Variants in CACNA1C observed in about 807,000 individuals in gnomAD.
CACNA1C encodes the protein voltage-dependent L-type calcium channel subunit alpha-1C.
CACNA1C carries 30 observed loss-of-function variants against 229.0 expected under a neutral mutation model. The observed-to-expected ratio is 0.13, with a 90% confidence interval of 0.10 to 0.18. The LOEUF (loss-of-function observed/expected upper bound fraction) is 0.18, where lower values mean the gene tolerates loss of function less well. Among genes scored for constraint, CACNA1C ranks in the 10% least tolerant of loss-of-function variants. The pLI is 1.00. For missense variants in CACNA1C, 1,658 were observed against 2,845.0 expected, an observed-to-expected ratio of 0.58 and a Z score of 9.49; for synonymous variants, 1,114 against 1,132.5, an observed-to-expected ratio of 0.98 and a Z score of 0.33.
intron 3 of CACNA1C, among the ~76,000 whole-genome samples, chr12:2,227,029 G>T (rs1216005541): frequency 6.6e-6 from 1 of 152,174 alleles, no homozygotes; most frequent in Non-Finnish European, 1.5e-5. Flanking sequence ...TGGCCTGTGT[G>T]GGGAGGCAGT....
At chr12:2,513,106 C>A in intron 9 of CACNA1C, 122 bp downstream of exon 9, 1 of 645,394 alleles carries the variant, frequency 1.5e-6, no homozygotes, top group Non-Finnish European at 2.6e-6. Context: ...CTTCCTGGAG[C>A]AGCAGTTATC....
At chr12:2,564,055 G>A (rs557112989) in intron 11 of CACNA1C, among the ~76,000 whole-genome samples, 1 of 152,216 alleles carries the variant, frequency 6.6e-6, no homozygotes, top group African/African-American at 2.4e-5. Context: ...GCCATGGACT[G>A]TGATTTAGAA....
At chr12:2,546,932 A>G (rs887560961) in intron 9 of CACNA1C, among the ~76,000 whole-genome samples, 1 of 152,222 alleles carries the variant, frequency 6.6e-6, no homozygotes, top group Admixed American at 6.5e-5. Flanking sequence ...ATCCAGGTGC[A>G]AATAGCAAGG....
chr12:2,566,388 C>T lies in CACNA1C; in HGVS notation c.1509-34C>T. 2 of 1,541,882 alleles carry T rather than the reference C, an allele frequency of 1.3e-6. No individual in the cohort carries two copies. The highest frequency in any genetic ancestry group is 1.8e-6 in the Non-Finnish European group (2 of 1,140,922). The stretch of plus-strand genomic sequence containing the variant: ...GTTGGAGGAAACCTGAATTCACAGC[C>T]AACCCCACCCTTCTCTCCCTGTCCC... On this transcript the variant is annotated intron_variant, in intron 11 of 46. Transcript: ENST00000399655. The surrounding 1 kb of genome is among the most constrained non-coding windows in gnomAD (Gnocchi z 4.0).
intron 1 of CACNA1C, among the ~76,000 whole-genome samples, chr12:2,105,175 A>C (rs901096281): frequency 6.6e-6 from 1 of 152,214 alleles, no homozygotes; most frequent in Non-Finnish European, 1.5e-5. Context: ...GCAGGTGTGA[A>C]TGCTGTAGCT....
chr12:2,274,848 G>A (rs1460101699), intron 3 of CACNA1C, among the ~76,000 whole-genome samples: 1 of 152,146 alleles, frequency 6.6e-6, no homozygotes, highest in Non-Finnish European at 1.5e-5. Flanking sequence ...TTCCAGGCTG[G>A]CTGGTGTGGG....
At chr12:2,099,999 A>G (rs1009367271) in intron 1 of CACNA1C, among the ~76,000 whole-genome samples, 1 of 152,234 alleles carries the variant, frequency 6.6e-6, no homozygotes, top group African/African-American at 2.4e-5. Flanking sequence ...CTAGCAACTG[A>G]CAGAGGCTCG....
chr12:2,040,347 G>C (rs549652186), intron 1 of CACNA1C, among the ~76,000 whole-genome samples: 1 of 152,200 alleles, frequency 6.6e-6, no homozygotes, highest in African/African-American at 2.4e-5. Flanking sequence ...ATGCATAGAA[G>C]TGACAGCAAA....
At chr12:2,610,327 C>T (rs983801059) in intron 27 of CACNA1C, among the ~76,000 whole-genome samples, 2 of 152,168 alleles carry the variant, frequency 1.3e-5, no homozygotes, top group Non-Finnish European at 2.9e-5. Context: ...AAGGGGCTCT[C>T]TCCTTGATTA....
At chr12:2,358,623 C>T (rs1385052085) in intron 3 of CACNA1C, among the ~76,000 whole-genome samples, 1 of 152,142 alleles carries the variant, frequency 6.6e-6, no homozygotes, top group Non-Finnish European at 1.5e-5. Context: ...AGGAGAAGTG[C>T]TAAATGACGA....
chr12:2,035,039 G>A (rs1483112643), intron 1 of CACNA1C, among the ~76,000 whole-genome samples: 1 of 152,202 alleles, frequency 6.6e-6, no homozygotes, highest in African/African-American at 2.4e-5. Flanking sequence ...AGCCGCAACC[G>A]CGACAGCCCC....
At position 2,445,286 on chromosome 12, in the gene CACNA1C, A is replaced by G. The variant is rs753741209; in HGVS notation, c.478-3690A>G. On this transcript the variant is annotated intron_variant, in intron 3 of 46. Coordinates refer to ENST00000399655, the MANE Select transcript of CACNA1C (RefSeq NM_000719.7). Reference sequence around the variant, plus strand: ...GTGCTTGCCTCCGGAATGCCATGCCATGTCCTAATTGTATTGGAATCATCT... The same window carrying G: ...GTGCTTGCCTCCGGAATGCCATGCCGTGTCCTAATTGTATTGGAATCATCT... 1.7e-3 allele frequency among the ~76,000 whole-genome samples: 256 copies of G among 152,320 alleles called. 1 individual carries two copies. Among genetic ancestry groups the G allele is most frequent in the Non-Finnish European group, 1.1e-3 (74 of 68,024 alleles).
intron 9 of CACNA1C, among the ~76,000 whole-genome samples, chr12:2,544,891 T>G (rs577353967): frequency 6.6e-6 from 1 of 152,222 alleles, no homozygotes; most frequent in Non-Finnish European, 1.5e-5. Flanking sequence ...CCCTTTCTGT[T>G]GGCCAATGCC....
chr12:2,449,902 G>C (rs1276353176), intron 4 of CACNA1C, among the ~76,000 whole-genome samples: 1 of 152,192 alleles, frequency 6.6e-6, no homozygotes, highest in Non-Finnish European at 1.5e-5. Flanking sequence ...CTGTGCCTGT[G>C]CTCTGGACTT....
chr12:2,585,487 C>T lies in CACNA1C; in HGVS notation c.2451C>T (p.Pro817=), dbSNP rs1257316721. The change falls in exon 17 of 47, where the codon CCC becomes CCT. Residue 817 remains proline, a synonymous_variant. Transcript: ENST00000399655. The surrounding 1 kb of genome is among the most constrained non-coding windows in gnomAD (Gnocchi z 4.1). The part of the protein sequence containing the change: ...KSITADGESP[P]ATKINMDDLQ... ...TCACGGCTGACGGAGAGTCTCCACC[C>T]GCCACCAAGGTGAGGAGCTGTCTCC... is the stretch of plus-strand genomic sequence containing the variant. 7.0e-6 allele frequency: 11 copies of T among 1,560,980 alleles called. No homozygotes were observed. The highest frequency in any genetic ancestry group is 4.7e-5 in the South Asian group (4 of 84,280).
At chr12:2,650,695 T>C (rs1051610551) in intron 31 of CACNA1C, among the ~76,000 whole-genome samples, 1 of 152,116 alleles carries the variant, frequency 6.6e-6, no homozygotes, top group African/African-American at 2.4e-5. Context: ...GCCAGGCATG[T>C]GCCCAAGCCC....
intron 3 of CACNA1C, among the ~76,000 whole-genome samples, chr12:2,264,137 A>T (rs1246545187): frequency 1.3e-5 from 2 of 152,096 alleles, no homozygotes; most frequent in Admixed American, 1.3e-4. Flanking sequence ...CTTACCTCAC[A>T]GGTGTGACTC....
In CACNA1C at chr12:2,566,444, C is replaced by T. The variant is rs1310223974; in HGVS notation, c.1531C>T (p.Arg511Trp). 1.9e-6 allele frequency: 3 copies of T among 1,595,602 alleles called. No individual in the cohort carries two copies. Among genetic ancestry groups the T allele is most frequent in the African/African-American group, 1.3e-5 (1 of 74,510 alleles). ...KFSRYWRRWN[R>W]FCRRKCRAAV... ...CAGCCGCTACTGGCGCCGGTGGAAT[C>T]GGTTCTGCAGAAGGAAGTGCCGCGC... The change falls in exon 12 of 47, where the codon CGG (arginine) becomes TGG (tryptophan). Residue 511 changes from arginine to tryptophan, a missense_variant. Arg to Trp is a moderately radical substitution (Grantham distance 101, BLOSUM62 -3). This residue lies in a region of CACNA1C where 149 missense variants were observed against 194.2 expected (regional missense o/e 0.77). Transcript: ENST00000399655. This position sits in a 1 kb window ranked among gnomAD's most constrained non-coding sequence, Gnocchi z 4.0.
chr12:2,204,824 G>T, intron 3 of CACNA1C, among the ~76,000 whole-genome samples: 1 of 136,388 alleles, frequency 7.3e-6, no homozygotes, highest in Non-Finnish European at 1.6e-5. Context: ...GGATAGCATT[G>T]GGAGATATAC....
Sources: allele counts gnomAD v4.1 joint callset (sites outside exome capture counted in the v4.1 genomes callset), GRCh38; gene constraint gnomAD v4.1.1; regional missense constraint gnomAD v4.1.1; non-coding constraint Gnocchi (gnomAD v3.1); transcripts MANE v1.5; gene names NCBI Gene and HGNC (gene_info 2026-07-23, HGNC 2026-07-21).